The following PLPPR5 variants were observed in gnomAD, a reference collection of about 807,000 sequenced individuals.
PLPPR5 encodes phospholipid phosphatase related 5.
In PLPPR5, 16 loss-of-function variants were observed where a neutral mutation model predicts 33.9. The observed-to-expected ratio is 0.47, with a 90% CI of 0.32 to 0.72. The LOEUF (loss-of-function observed/expected upper bound fraction) is 0.72, where lower values mean the gene tolerates loss of function less well. PLPPR5 is among the 30% of genes least tolerant of loss of function. The probability of loss-of-function intolerance (pLI) is 0.03; values close to 1 mark genes in which losing one functional copy is unlikely to be tolerated. For synonymous variants in PLPPR5, 163 were observed against 150.3 expected, an observed-to-expected ratio of 1.08 and a Z score of -0.62; for missense variants, 301 against 406.7, an observed-to-expected ratio of 0.74 and a Z score of 2.23.
chr1:98,920,117 C>A (rs1649490008), intron 4 of PLPPR5, among the ~76,000 whole-genome samples: 1 of 152,088 alleles, frequency 6.6e-6, no homozygotes, highest in Non-Finnish European at 1.5e-5. Context: ...GGGTCTTGAG[C>A]TCAAGGGGGA....
At chr1:98,901,497 A>G (rs6676069) in intron 5 of PLPPR5, among the ~76,000 whole-genome samples, 161 of 152,312 alleles carry the variant, frequency 1.1e-3, no homozygotes, top group African/African-American at 3.7e-3. Flanking sequence ...CAGACATAAC[A>G]TGAAGTCTAA....
At chr1:98,962,036 A>G (rs76383796) in intron 1 of PLPPR5, among the ~76,000 whole-genome samples, 42 of 152,260 alleles carry the variant, frequency 2.8e-4, no homozygotes, top group African/African-American at 9.6e-4. Context: ...CCAAAATAAA[A>G]TCCATGTGTT....
intron 1 of PLPPR5, among the ~76,000 whole-genome samples, chr1:98,987,215 C>T (rs868180146): frequency 4.0e-5 from 6 of 151,512 alleles, no homozygotes; most frequent in Non-Finnish European, 7.4e-5. Flanking sequence ...ACTTAAGCCC[C>T]GGAAAAACTT....
In PLPPR5 at chr1:98,956,563, T is replaced by C. The variant is rs190508380; in HGVS notation, c.370+46A>G. The stretch of plus-strand genomic sequence containing the variant: ...GTTATTTTAAGGTTTAGCTTACACA[T>C]AGACACTGTTTCAGAAATATTAAAA... On this transcript the variant is annotated intron_variant, in intron 2 of 5. Transcript: ENST00000263177. The C allele has an allele frequency of 2.5e-4, 382 of 1,506,128 alleles. 2 individuals are homozygous for C. In the African/African-American group the frequency reaches 3.8e-3, roughly 15 times the overall value. 93.3% of individuals were successfully genotyped at this position (1,506,128 alleles called of 1,614,324 possible). A position where few individuals can be genotyped will look rare whatever the true frequency, so the allele number is the denominator to read the frequency against.
chr1:98,950,700 T>C (rs562969957), intron 3 of PLPPR5, among the ~76,000 whole-genome samples: 2 of 152,196 alleles, frequency 1.3e-5, no homozygotes, highest in African/African-American at 4.8e-5. Context: ...CTTATTTATT[T>C]AGAGACAGGG....
intron 1 of PLPPR5, among the ~76,000 whole-genome samples, chr1:98,976,534 C>T (rs547379284): frequency 6.6e-6 from 1 of 151,990 alleles, no homozygotes; most frequent in East Asian, 1.9e-4. Context: ...CACCAAGTTT[C>T]TTTAATTAGC....
At chr1:98,900,647 T>C (rs183249116) in intron 5 of PLPPR5, among the ~76,000 whole-genome samples, 124 of 152,314 alleles carry the variant, frequency 8.1e-4, no homozygotes, top group African/African-American at 2.9e-3. Flanking sequence ...TTCTTCTTAG[T>C]TATTTCATTT....
intron 5 of PLPPR5, among the ~76,000 whole-genome samples, chr1:98,900,014 G>A (rs1648633601): frequency 6.6e-6 from 1 of 151,970 alleles, no homozygotes; most frequent in South Asian, 2.1e-4. Flanking sequence ...CTTATTCATA[G>A]CTATATTCTC....
In PLPPR5 at chr1:98,956,707, T is replaced by A; in HGVS notation, c.272A>T (p.Gln91Leu). 6.3e-7 allele frequency: 1 copy of A among 1,587,976 alleles called. No individual in the cohort carries two copies. Among genetic ancestry groups the A allele is most frequent in the South Asian group, 1.2e-5 (1 of 85,244 alleles). Residue 91 changes from glutamine to leucine, a missense_variant, in exon 2 of 6, where the codon CAA (glutamine) becomes CTA (leucine). By Grantham distance (113) the Gln-to-Leu change is moderately radical. Transcript: ENST00000263177. The part of the protein sequence containing the change: ...IVGETAVFCL[Q>L]LATRDFENQE... ...GTTTTCAAAATCCCTTGTGGCTAGT[T>A]GTAGGCAAAAGACAGCAGTTTCTCC...
chr1:98,892,789 A>G lies in PLPPR5; in HGVS notation c.*283T>C. 3.0e-6 allele frequency: 1 copy of G among 333,164 alleles called. No individual in the cohort carries two copies. Among genetic ancestry groups the G allele is most frequent in the South Asian group, 6.3e-5 (1 of 15,924 alleles). The allele number at this position is 333,164 out of a possible 1,614,324, so 20.6% of individuals were successfully genotyped here. On this transcript the variant is annotated 3_prime_UTR_variant, in exon 6 of 6. Coordinates refer to ENST00000263177, the MANE Select transcript of PLPPR5 (RefSeq NM_001037317.2). ...TGTGAGAAACTAAAGTGAATGTTTTATTTAAGAATTTTGTTCATTTGGTCA... is the reference window on the plus strand; with the variant it reads ...TGTGAGAAACTAAAGTGAATGTTTTGTTTAAGAATTTTGTTCATTTGGTCA...
chr1:98,924,503 G>C (rs1181032793), intron 3 of PLPPR5, among the ~76,000 whole-genome samples: 2 of 152,184 alleles, frequency 1.3e-5, no homozygotes, highest in Non-Finnish European at 2.9e-5. Flanking sequence ...AGAATCATAG[G>C]AGTAAGGCTA....
rs1049760408 is a variant in PLPPR5, at chr1:98,953,182, A to T, written c.509T>A (p.Phe170Tyr). ...TALGCQQYTQ[F>Y]ISGEEACTGN... ...AGTACAGGCCTCTTCCCCACTGATGAATTGTGTATACTGCTGACATCCAAG... is the reference window on the plus strand; with the variant it reads ...AGTACAGGCCTCTTCCCCACTGATGTATTGTGTATACTGCTGACATCCAAG... Residue 170 changes from phenylalanine to tyrosine, a missense_variant, in exon 3 of 6, where the codon TTC (phenylalanine) becomes TAC (tyrosine). Transcript: ENST00000263177. 2 of 1,614,150 alleles carry T rather than the reference A, an allele frequency of 1.2e-6. No individual in the cohort carries two copies. Among genetic ancestry groups the T allele is most frequent in the Admixed American group, 3.3e-5 (2 of 60,020 alleles).
intron 1 of PLPPR5, among the ~76,000 whole-genome samples, chr1:98,989,547 T>C (rs1455326018): frequency 5.9e-5 from 9 of 152,152 alleles, no homozygotes; most frequent in Non-Finnish European, 8.8e-5. Flanking sequence ...AGAGGAGAAC[T>C]GTTAAATAAA....
chr1:98,989,141 T>C (rs72732419), intron 1 of PLPPR5, among the ~76,000 whole-genome samples: 13,858 of 152,094 alleles, frequency 0.091, 734 homozygotes, highest in Non-Finnish European at 0.11. Context: ...TGAAGCACTG[T>C]AGGAACTCAG....
intron 3 of PLPPR5, 28 bp downstream of exon 3, chr1:98,953,042 A>C (rs1650847397): frequency 6.2e-7 from 1 of 1,612,430 alleles, no homozygotes; most frequent in African/African-American, 1.3e-5. Flanking sequence ...ATACAGACTA[A>C]GACAACAAAT....
chr1:98,967,844 T>C lies in PLPPR5; in HGVS notation c.238-11103A>G, dbSNP rs977654418. ...GGCTCTTTCTAAGTCGTATCTGCGA[T>C]GGATTAGTGTTTTTGGTAAGGGAGT... is the stretch of plus-strand genomic sequence containing the variant. On this transcript the variant is annotated intron_variant, in intron 1 of 5. Coordinates refer to ENST00000263177, the MANE Select transcript of PLPPR5 (RefSeq NM_001037317.2). Among the ~76,000 whole-genome samples the C allele has an allele frequency of 2.0e-5, 3 of 152,168 alleles. No homozygotes were observed. The East Asian group carries it at 5.8e-4, about 29-fold the overall frequency.
chr1:98,918,871 G>A (rs79439068), intron 4 of PLPPR5, among the ~76,000 whole-genome samples: 2,775 of 152,108 alleles, frequency 0.018, 90 homozygotes, highest in African/African-American at 0.063. Flanking sequence ...TAATTCATTC[G>A]TCATATATTT....
intron 1 of PLPPR5, among the ~76,000 whole-genome samples, chr1:98,976,801 T>C (rs1651879765): frequency 6.6e-6 from 1 of 152,074 alleles, no homozygotes; most frequent in African/African-American, 2.4e-5. Context: ...ATTATCAAAA[T>C]TAATTTCACC....
At chr1:98,962,175 T>C (rs1297762765) in intron 1 of PLPPR5, among the ~76,000 whole-genome samples, 2 of 152,218 alleles carry the variant, frequency 1.3e-5, no homozygotes, top group African/African-American at 4.8e-5. Flanking sequence ...TTTTCATCAA[T>C]TGCTTTTATT....
Sources: gnomAD v4.1 joint callset for allele counts (sites outside exome capture counted in the v4.1 genomes callset) on GRCh38, gnomAD v4.1.1 for gene constraint, MANE v1.5 for transcripts, NCBI Gene and HGNC (gene_info 2026-07-23, HGNC 2026-07-21) for gene names.